The following ATF7 variants were observed in gnomAD, a reference collection of about 807,000 sequenced individuals.
The protein encoded by ATF7 is activating transcription factor 7, also known as cyclic AMP-dependent transcription factor ATF-7.
In ATF7, 10 loss-of-function variants were observed where a neutral mutation model predicts 50.4. The observed-to-expected ratio is 0.20, with a 90% CI of 0.12 to 0.34. The LOEUF (loss-of-function observed/expected upper bound fraction) is 0.34, where lower values mean the gene tolerates loss of function less well. Among genes scored for constraint, ATF7 ranks in the 10% least tolerant of loss-of-function variants. The probability of loss-of-function intolerance (pLI) is 1.00; values close to 1 mark genes in which losing one functional copy is unlikely to be tolerated. For synonymous variants in ATF7, 201 were observed against 226.4 expected, an observed-to-expected ratio of 0.89 and a Z score of 1.01; for missense variants, 465 against 613.9, an observed-to-expected ratio of 0.76 and a Z score of 2.56.
In ATF7 at chr12:53,517,079, C is replaced by T; in HGVS notation, c.*58G>A. On this transcript the variant is annotated 3_prime_UTR_variant, in exon 12 of 12. Transcript: ENST00000420353. ...CAGATGGGAGGGGATAAGATGACATCTCTCTTGGCTCTTGGGCGGGCGAGC... is the reference window on the plus strand; with the variant it reads ...CAGATGGGAGGGGATAAGATGACATTTCTCTTGGCTCTTGGGCGGGCGAGC... 6.4e-7 allele frequency: 1 copy of T among 1,567,534 alleles called. No homozygotes were observed. The highest frequency in any genetic ancestry group is 8.7e-7 in the Non-Finnish European group (1 of 1,150,226).
intron 4 of ATF7, among the ~76,000 whole-genome samples, chr12:53,541,730 C>T (rs572451487): frequency 2.4e-4 from 36 of 152,248 alleles, no homozygotes; most frequent in African/African-American, 8.7e-4. Flanking sequence ...CCCTTTAGAC[C>T]ACATGGAATA....
Position 53,514,244 on chromosome 12 carries a change from C to T in ATF7, c.*2893G>A, listed in dbSNP as rs1018660670. ...GCAGCTAGCTAGAGTGCTTGTGTAT[C>T]GAGCACTCACATTGGAGTGGGGTGG... On this transcript the variant is annotated 3_prime_UTR_variant, in exon 12 of 12. Coordinates refer to ENST00000420353, the MANE Select transcript of ATF7 (RefSeq NM_006856.3). 1 of 152,074 alleles carries T rather than the reference C, an allele frequency of 6.6e-6. No individual in the cohort carries two copies. Among genetic ancestry groups the T allele is most frequent in the East Asian group, 1.9e-4 (1 of 5,194 alleles). The allele number at this position is 152,074 out of a possible 1,614,324, so 9.4% of individuals were successfully genotyped here.
chr12:53,612,685 T>A (rs564456485), intron 1 of ATF7, among the ~76,000 whole-genome samples: 2 of 152,126 alleles, frequency 1.3e-5, no homozygotes, highest in Admixed American at 1.3e-4. Flanking sequence ...GAGTAAAAGA[T>A]CTATTTAAAC....
chr12:53,559,353 C>T (rs1344783343), intron 2 of ATF7, among the ~76,000 whole-genome samples: 6 of 151,668 alleles, frequency 4.0e-5, no homozygotes, highest in African/African-American at 1.5e-4. Context: ...GCATGAGCCA[C>T]CATGCCTGGC....
chr12:53,591,113 T>G (rs187327974), intron 2 of ATF7, among the ~76,000 whole-genome samples: 1 of 152,014 alleles, frequency 6.6e-6, no homozygotes, highest in Admixed American at 6.6e-5. Flanking sequence ...AAATTGTGAG[T>G]AGGGGTGGAG....
intron 2 of ATF7, among the ~76,000 whole-genome samples, chr12:53,563,764 A>C (rs979567155): frequency 1.3e-5 from 2 of 152,270 alleles, no homozygotes; most frequent in African/African-American, 4.8e-5. Context: ...ATATAGTGAC[A>C]TAAGAGTAAC....
At chr12:53,615,602 G>C (rs1014094556) in intron 1 of ATF7, among the ~76,000 whole-genome samples, 1 of 152,084 alleles carries the variant, frequency 6.6e-6, no homozygotes, top group African/African-American at 2.4e-5. Flanking sequence ...GGCTGGATGC[G>C]ATGGCTCACA....
At chr12:53,544,845 A>T (rs1939796951) in intron 3 of ATF7, among the ~76,000 whole-genome samples, 1 of 152,136 alleles carries the variant, frequency 6.6e-6, no homozygotes, top group Admixed American at 6.6e-5. Flanking sequence ...CAATTTTTAT[A>T]AAAAAATTTA....
chr12:53,539,540 T>C (rs1002508369), intron 4 of ATF7, among the ~76,000 whole-genome samples: 1 of 151,820 alleles, frequency 6.6e-6, no homozygotes, highest in Non-Finnish European at 1.5e-5. Flanking sequence ...TGAAAATAAA[T>C]TAGTCAGGCA....
intron 2 of ATF7, among the ~76,000 whole-genome samples, chr12:53,588,459 T>A (rs1455142980): frequency 6.6e-6 from 1 of 152,218 alleles, no homozygotes; most frequent in Non-Finnish European, 1.5e-5. Context: ...ATAGTGTTGT[T>A]CTAATCATAC....
intron 2 of ATF7, among the ~76,000 whole-genome samples, chr12:53,554,200 C>T (rs2460889): frequency 9.2e-5 from 14 of 152,162 alleles, no homozygotes; most frequent in Non-Finnish European, 1.8e-4. Flanking sequence ...GCGCAATCTC[C>T]GCTCACTGCA....
intron 3 of ATF7, among the ~76,000 whole-genome samples, chr12:53,547,283 CTTTTTTTTTTT>C (rs34610513): frequency 1.6e-5 from 1 of 62,542 alleles, no homozygotes; most frequent in Non-Finnish European, 2.9e-5. Flanking sequence ...CGTGCCCAGC[CTTTTTTTTTTT>C]TTTTTTTTTT....
At chr12:53,540,309 G>C (rs1303460725) in intron 4 of ATF7, among the ~76,000 whole-genome samples, 1 of 144,120 alleles carries the variant, frequency 6.9e-6, no homozygotes, top group Non-Finnish European at 1.5e-5. Context: ...CATCATGATC[G>C]CACCACTGCA....
At chr12:53,526,320 C>A (rs913014206) in intron 9 of ATF7, among the ~76,000 whole-genome samples, 2 of 149,134 alleles carry the variant, frequency 1.3e-5, no homozygotes, top group Admixed American at 1.3e-4. Context: ...CCAAGCCCTC[C>A]TCCTCCTCCT....
At chr12:53,562,634 T>G (rs951931945) in intron 2 of ATF7, among the ~76,000 whole-genome samples, 3 of 146,884 alleles carry the variant, frequency 2.0e-5, no homozygotes, top group Non-Finnish European at 4.5e-5. Flanking sequence ...AAACTTCATC[T>G]CAAAAAAAAA....
chr12:53,578,509 C>T (rs536001320), intron 2 of ATF7, among the ~76,000 whole-genome samples: 8 of 151,780 alleles, frequency 5.3e-5, no homozygotes, highest in South Asian at 2.1e-4. Flanking sequence ...GAGCTAGGCA[C>T]GGTGGCTCAT....
Position 53,512,683 on chromosome 12 carries a change from T to C in ATF7, c.*4454A>G, listed in dbSNP as rs1765925516. ...TCCTGTCCAGACCAATGCATGGTTT[T>C]AGGGATACGACTAAAATGAAGACAA... On this transcript the variant is annotated 3_prime_UTR_variant, in exon 12 of 12. Transcript: ENST00000420353. 6.6e-6 allele frequency: 1 copy of C among 152,232 alleles called. No homozygotes were observed. 9.4% of individuals were successfully genotyped at this position (152,232 alleles called of 1,614,324 possible).
At chr12:53,619,286 T>C (rs1944276235) in intron 1 of ATF7, among the ~76,000 whole-genome samples, 1 of 151,408 alleles carries the variant, frequency 6.6e-6, no homozygotes, top group African/African-American at 2.4e-5. Context: ...GGCCAGGAGT[T>C]TGAGACCAGC....
intron 2 of ATF7, among the ~76,000 whole-genome samples, chr12:53,588,367 C>T (rs1033305977): frequency 5.9e-5 from 9 of 152,118 alleles, no homozygotes; most frequent in African/African-American, 2.2e-4. Flanking sequence ...ATTCAACAGG[C>T]GAGATCCTCT....
Sources: allele counts gnomAD v4.1 joint callset (sites outside exome capture counted in the v4.1 genomes callset), GRCh38; gene constraint gnomAD v4.1.1; transcripts MANE v1.5; gene names NCBI Gene and HGNC (gene_info 2026-07-23, HGNC 2026-07-21).